Variants in DLGAP5 observed in about 807,000 individuals in gnomAD.
DLGAP5 encodes the protein disks large-associated protein 5.
DLGAP5 carries 90 observed loss-of-function variants against 99.6 expected under a neutral mutation model. The ratio of observed to expected loss-of-function variants is 0.90; its 90% CI spans 0.76 to 1.08. DLGAP5 has a LOEUF of 1.08. Ranked by LOEUF, DLGAP5 falls within the 50% of genes least tolerant of loss-of-function variation. The probability of loss-of-function intolerance (pLI) is 0.00; values close to 1 mark genes in which losing one functional copy is unlikely to be tolerated. For synonymous variants in DLGAP5, 311 were observed against 321.3 expected, an observed-to-expected ratio of 0.97 and a Z score of 0.34; for missense variants, 1,036 against 983.5, an observed-to-expected ratio of 1.05 and a Z score of -0.71.
chr14:55,185,843 C>T (rs894315113), intron 2 of DLGAP5, among the ~76,000 whole-genome samples: 2 of 152,232 alleles, frequency 1.3e-5, no homozygotes, highest in African/African-American at 4.8e-5. Flanking sequence ...TTCTAATATA[C>T]ACACAATTAT....
intron 13 of DLGAP5, among the ~76,000 whole-genome samples, chr14:55,162,566 C>G (rs1882483563): frequency 6.6e-6 from 1 of 150,888 alleles, no homozygotes; most frequent in African/African-American, 2.4e-5. Context: ...TGGCAGTGAG[C>G]TGAGATCACG....
intron 10 of DLGAP5, among the ~76,000 whole-genome samples, chr14:55,173,489 T>C (rs781194067): frequency 2.0e-5 from 3 of 152,028 alleles, no homozygotes; most frequent in Non-Finnish European, 4.4e-5. Flanking sequence ...AACAAATGAA[T>C]AGTAAAACTA....
rs372360305 is a variant in DLGAP5 at position 55,158,511 on chromosome 14, A to C, written c.1873+11T>G. 6.2e-7 allele frequency: 1 copy of C among 1,600,496 alleles called. No individual in the cohort carries two copies. The highest frequency in any genetic ancestry group is 8.5e-7 in the Non-Finnish European group (1 of 1,174,598). On this transcript the variant is annotated intron_variant, in intron 14 of 18. Coordinates refer to ENST00000247191, the MANE Select transcript of DLGAP5 (RefSeq NM_014750.5). ...AAAAACAAAAAAAATAAAAAATCAA[A>C]AACAACTAACCTGAGAATAATTTAA...
chr14:55,188,908 A>C (rs765879849), intron 2 of DLGAP5, 34 bp downstream of exon 2: 1 of 1,559,414 alleles, frequency 6.4e-7, no homozygotes, highest in Non-Finnish European at 8.8e-7. Flanking sequence ...TTCACTCTTC[A>C]AAGTACTTAA....
chr14:55,158,810 A>G (rs761160665), intron 13 of DLGAP5, 69 bp from the exon 14 acceptor site: 50 of 1,082,414 alleles, frequency 4.6e-5, no homozygotes, highest in Non-Finnish European at 6.8e-5. Flanking sequence ...CAACAAACAC[A>G]AATTCATCAC....
At chr14:55,181,730 CCAAT>C (rs1382940920) in intron 4 of DLGAP5, among the ~76,000 whole-genome samples, 3 of 152,140 alleles carry the variant, frequency 2.0e-5, no homozygotes, top group Admixed American at 1.3e-4. Flanking sequence ...CCTTAACTGC[CCAAT>C]CAAAATTCTA....
At chr14:55,168,145 C>T (rs544123202) in intron 12 of DLGAP5, among the ~76,000 whole-genome samples, 3 of 152,132 alleles carry the variant, frequency 2.0e-5, no homozygotes, top group Non-Finnish European at 4.4e-5. Context: ...TAGAGATGGG[C>T]TCTCACTATG....
Position 55,185,490 on chromosome 14 carries a change from C to T in DLGAP5, c.239-1737G>A, listed in dbSNP as rs544028348. Among the ~76,000 whole-genome samples, 7 of 151,856 alleles carry T rather than the reference C, an allele frequency of 4.6e-5. No homozygotes were observed. In the East Asian group the frequency reaches 5.8e-4, roughly 13 times the overall value. On this transcript the variant is annotated intron_variant, in intron 2 of 18. Transcript: ENST00000247191. ...CTGGGAGTACAGGTGTGAGCCACCACGCCTGGCCTTTTTTGAGACAGAGTC... is the reference window on the plus strand; with the variant it reads ...CTGGGAGTACAGGTGTGAGCCACCATGCCTGGCCTTTTTTGAGACAGAGTC...
intron 10 of DLGAP5, among the ~76,000 whole-genome samples, chr14:55,171,129 T>C (rs1278033749): frequency 1.3e-5 from 2 of 152,218 alleles, no homozygotes; most frequent in African/African-American, 4.8e-5. Flanking sequence ...GCATTGTCTA[T>C]GAAACTAAAG....
At chr14:55,148,768 C>T (rs1881912726) in intron 18 of DLGAP5, 1 of 421,668 alleles carries the variant, frequency 2.4e-6, no homozygotes, top group South Asian at 2.3e-5. Flanking sequence ...ATGCTACTTT[C>T]CAGTAGATCT....
chr14:55,181,394 C>G, intron 4 of DLGAP5, 97 bp from the exon 5 acceptor site: 1 of 947,164 alleles, frequency 1.1e-6, no homozygotes. Context: ...GAAATCTGAT[C>G]ATCGTAAATG....
intron 12 of DLGAP5, among the ~76,000 whole-genome samples, chr14:55,166,879 TAAAAA>T (rs1334737097): frequency 7.1e-6 from 1 of 141,414 alleles, no homozygotes; most frequent in Non-Finnish European, 1.5e-5. Context: ...CTTTTGTGTT[TAAAAA>T]AAAAAAAAAA....
At chr14:55,184,555 T>C (rs937604906) in intron 2 of DLGAP5, among the ~76,000 whole-genome samples, 2 of 152,212 alleles carry the variant, frequency 1.3e-5, no homozygotes, top group African/African-American at 2.4e-5. Flanking sequence ...TAGGGCTGAC[T>C]TGTGTGACCA....
At chr14:55,177,362 G>GT (rs1883110029) in intron 7 of DLGAP5, 26 bp from the exon 8 acceptor site, 4 of 1,546,206 alleles carry the variant, frequency 2.6e-6, no homozygotes, top group Admixed American at 2.1e-5. Context: ...ACAAAGTAGA[G>GT]TAAGATTTCT....
chr14:55,172,162 G>T (rs1243754807), intron 10 of DLGAP5, among the ~76,000 whole-genome samples: 2 of 146,610 alleles, frequency 1.4e-5, no homozygotes, highest in African/African-American at 5.4e-5. Flanking sequence ...CACCGAACCC[G>T]GCAGGTTTTG....
chr14:55,166,144 T>C (rs1448304339), intron 12 of DLGAP5, among the ~76,000 whole-genome samples: 1 of 152,118 alleles, frequency 6.6e-6, no homozygotes, highest in African/African-American at 2.4e-5. Context: ...GTGGAAGCAA[T>C]TTAAATGACC....
intron 4 of DLGAP5, among the ~76,000 whole-genome samples, chr14:55,181,834 T>A (rs1030913425): frequency 2.0e-5 from 3 of 152,242 alleles, no homozygotes; most frequent in African/African-American, 4.8e-5. Flanking sequence ...TGTATTTTTT[T>A]AAATGCCTTA....
intron 14 of DLGAP5, 42 bp downstream of exon 14, chr14:55,158,480 C>T: frequency 5.1e-6 from 8 of 1,561,240 alleles, no homozygotes; most frequent in Non-Finnish European, 6.1e-6. Flanking sequence ...CTTAAGTAGT[C>T]TCAGGAAAAA....
At chr14:55,151,160 G>C (rs139674636) in intron 17 of DLGAP5, among the ~76,000 whole-genome samples, 1 of 152,326 alleles carries the variant, frequency 6.6e-6, no homozygotes, top group East Asian at 1.9e-4. Context: ...ATAGGCCCCA[G>C]TTAGACCAGC....
Sources: allele counts gnomAD v4.1 joint callset (sites outside exome capture counted in the v4.1 genomes callset), GRCh38; gene constraint gnomAD v4.1.1; transcripts MANE v1.5; gene names NCBI Gene and HGNC (gene_info 2026-07-23, HGNC 2026-07-21).